STXBP6: variants seen among roughly 807,000 people sequenced by gnomAD.
The protein encoded by STXBP6 is syntaxin binding protein 6.
STXBP6 carries 21 observed loss-of-function variants against 26.9 expected under a neutral mutation model. The observed-to-expected ratio is 0.78, with a 90% CI of 0.55 to 1.12. The LOEUF is 1.12. Ranked by LOEUF, STXBP6 falls within the 50% of genes most tolerant of loss-of-function variation. The probability of loss-of-function intolerance (pLI) is 0.00; values close to 1 mark genes in which losing one functional copy is unlikely to be tolerated. For synonymous variants in STXBP6, 97 were observed against 92.6 expected (o/e 1.05, Z -0.27); for missense variants, 232 against 257.9 (o/e 0.90, Z 0.69).
chr14:24,960,735 T>C (rs947332772), intron 2 of STXBP6, among the ~76,000 whole-genome samples: 1 of 152,162 alleles, frequency 6.6e-6, no homozygotes, highest in African/African-American at 2.4e-5. Context: ...TAATCAAACT[T>C]GAGAAGAAAG....
At chr14:24,891,351 T>C (rs564006776) in intron 2 of STXBP6, among the ~76,000 whole-genome samples, 56 of 152,316 alleles carry the variant, frequency 3.7e-4, no homozygotes, top group African/African-American at 1.3e-3. Context: ...GAAGGATAAA[T>C]AGGGGTTACC....
At chr14:25,006,797 C>A (rs2140357653) in intron 1 of STXBP6, among the ~76,000 whole-genome samples, 1 of 152,160 alleles carries the variant, frequency 6.6e-6, no homozygotes, top group South Asian at 2.1e-4. Flanking sequence ...ATCTTAGATT[C>A]AGCACTTCCA....
At chr14:24,941,707 T>A (rs2072809006) in intron 2 of STXBP6, among the ~76,000 whole-genome samples, 2 of 152,246 alleles carry the variant, frequency 1.3e-5, no homozygotes, top group African/African-American at 2.4e-5. Context: ...CAGCCCAGCA[T>A]CTGCAGCAGA....
chr14:24,929,534 T>G (rs1362375597), intron 2 of STXBP6, among the ~76,000 whole-genome samples: 3 of 152,220 alleles, frequency 2.0e-5, no homozygotes, highest in African/African-American at 7.2e-5. Context: ...CATGCCCACG[T>G]TGGCAGTTTC....
At chr14:24,885,942 T>C (rs2070567958) in intron 2 of STXBP6, among the ~76,000 whole-genome samples, 1 of 152,222 alleles carries the variant, frequency 6.6e-6, no homozygotes, top group Non-Finnish European at 1.5e-5. Flanking sequence ...TTGCCTTTCA[T>C]TTACAATTCT....
intron 1 of STXBP6, among the ~76,000 whole-genome samples, chr14:25,001,571 T>C (rs1363117240): frequency 6.6e-6 from 1 of 152,232 alleles, no homozygotes; most frequent in East Asian, 1.9e-4. Context: ...ACATCTTCTT[T>C]TGATTCTTTC....
At chr14:24,839,117 T>A (rs1475495958) in intron 4 of STXBP6, among the ~76,000 whole-genome samples, 2 of 152,146 alleles carry the variant, frequency 1.3e-5, no homozygotes, top group Non-Finnish European at 2.9e-5. Flanking sequence ...TCTGTGATTG[T>A]GAGTGAAAGT....
chr14:24,964,902 A>G (rs571053812), intron 2 of STXBP6, among the ~76,000 whole-genome samples: 1 of 152,298 alleles, frequency 6.6e-6, no homozygotes, highest in South Asian at 2.1e-4. Context: ...CATTTCAGGG[A>G]CAGGACTTCG....
At chr14:25,046,854 A>T (rs2075735757) in intron 1 of STXBP6, among the ~76,000 whole-genome samples, 1 of 152,206 alleles carries the variant, frequency 6.6e-6, no homozygotes, top group East Asian at 1.9e-4. Context: ...ACACCACACT[A>T]ATACTGATCA....
At chr14:24,846,519 G>A (rs938165362) in intron 4 of STXBP6, among the ~76,000 whole-genome samples, 15 of 152,028 alleles carry the variant, frequency 9.9e-5, no homozygotes, top group Non-Finnish European at 2.9e-5. Context: ...ATTTGTTTTG[G>A]CTGGCTACAA....
chr14:24,869,623 A>G (rs1342039424), intron 2 of STXBP6, among the ~76,000 whole-genome samples: 1 of 152,154 alleles, frequency 6.6e-6, no homozygotes, highest in Non-Finnish European at 1.5e-5. Flanking sequence ...CCTAAATCGC[A>G]TCATAATTGG....
chr14:24,894,457 C>G (rs759345281), intron 2 of STXBP6, among the ~76,000 whole-genome samples: 17 of 152,006 alleles, frequency 1.1e-4, no homozygotes, highest in Non-Finnish European at 1.6e-4. Flanking sequence ...ACTAGACAAC[C>G]AGGACAGCGT....
At chr14:24,880,637 T>A (rs146014687) in intron 2 of STXBP6, among the ~76,000 whole-genome samples, 89 of 152,256 alleles carry the variant, frequency 5.8e-4, no homozygotes, top group Non-Finnish European at 9.7e-4. Context: ...AAGGGAGCCA[T>A]GAGAGCAAAA....
chr14:24,897,334 C>CG (rs1266005859), intron 2 of STXBP6, among the ~76,000 whole-genome samples: 1 of 139,406 alleles, frequency 7.2e-6, no homozygotes, highest in Non-Finnish European at 1.5e-5. Flanking sequence ...GGCATGAACC[C>CG]GGGAGGGGGA....
At chr14:25,028,647 T>C (rs1243443459) in intron 1 of STXBP6, among the ~76,000 whole-genome samples, 1 of 152,214 alleles carries the variant, frequency 6.6e-6, no homozygotes, top group Non-Finnish European at 1.5e-5. Flanking sequence ...GATCAAGTGG[T>C]AATTTCTACT....
chr14:24,906,121 T>G (rs2139676784), intron 2 of STXBP6, among the ~76,000 whole-genome samples: 1 of 152,314 alleles, frequency 6.6e-6, no homozygotes. Flanking sequence ...ATAATTAGGT[T>G]TTTTAAAAAT....
intron 4 of STXBP6, among the ~76,000 whole-genome samples, chr14:24,844,388 A>C (rs2068879125): frequency 6.6e-6 from 1 of 152,190 alleles, no homozygotes; most frequent in Non-Finnish European, 1.5e-5. Flanking sequence ...GGGAACCTCC[A>C]ATTTGTAGCC....
At chr14:24,907,400 A>G (rs539600410) in intron 2 of STXBP6, among the ~76,000 whole-genome samples, 2 of 152,288 alleles carry the variant, frequency 1.3e-5, no homozygotes, top group African/African-American at 4.8e-5. Context: ...TGTACAGTGC[A>G]AAGAGCATTA....
chr14:24,860,257 T>G (rs2069488315), intron 2 of STXBP6, among the ~76,000 whole-genome samples: 1 of 152,126 alleles, frequency 6.6e-6, no homozygotes, highest in Admixed American at 6.6e-5. Context: ...AGAATTCTAT[T>G]TAATTAAAAA....
Sources: gnomAD v4.1 joint callset for allele counts (sites outside exome capture counted in the v4.1 genomes callset) on GRCh38, gnomAD v4.1.1 for gene constraint, MANE v1.5 for transcripts, NCBI Gene and HGNC (gene_info 2026-07-23, HGNC 2026-07-21) for gene names.